SLC41A2: variants seen among roughly 807,000 people sequenced by gnomAD.
The protein encoded by SLC41A2 is solute carrier family 41 member 2.
In SLC41A2, 32 loss-of-function variants were observed where a neutral mutation model predicts 58.3. That is an observed-to-expected ratio of 0.55 (90% confidence interval 0.41 to 0.74). The LOEUF (loss-of-function observed/expected upper bound fraction) is 0.74, where lower values mean the gene tolerates loss of function less well. Among genes scored for constraint, SLC41A2 ranks in the 30% least tolerant of loss-of-function variants. SLC41A2 has a pLI of 0.00. For missense variants in SLC41A2, 514 were observed against 680.6 expected (o/e 0.76, Z 2.72); for synonymous variants, 190 against 235.0 (o/e 0.81, Z 1.75).
At chr12:104,956,971 A>C (rs1245665535) in intron 1 of SLC41A2, among the ~76,000 whole-genome samples, 3 of 152,220 alleles carry the variant, frequency 2.0e-5, no homozygotes. Context: ...GGGAAAGTAA[A>C]ATGGTACAGC....
At chr12:104,823,045 A>G (rs2041701164) in intron 10 of SLC41A2, among the ~76,000 whole-genome samples, 1 of 152,192 alleles carries the variant, frequency 6.6e-6, no homozygotes, top group African/African-American at 2.4e-5. Flanking sequence ...TGCCTAATTA[A>G]TTAACATATT....
At chr12:104,903,390 C>G (rs1037384345) in intron 3 of SLC41A2, among the ~76,000 whole-genome samples, 2 of 152,206 alleles carry the variant, frequency 1.3e-5, no homozygotes, top group Non-Finnish European at 2.9e-5. Context: ...AATTGTCCCC[C>G]CTCACTCACT....
At chr12:104,832,467 C>T (rs2042071100) in intron 10 of SLC41A2, among the ~76,000 whole-genome samples, 2 of 152,074 alleles carry the variant, frequency 1.3e-5, no homozygotes, top group South Asian at 2.1e-4. Context: ...AATATCAACC[C>T]CATCAACAGG....
At chr12:104,832,773 C>T (rs2042084030) in intron 10 of SLC41A2, among the ~76,000 whole-genome samples, 1 of 152,084 alleles carries the variant, frequency 6.6e-6, no homozygotes. Context: ...GTCAAGCTAC[C>T]TAGAGAAACA....
In SLC41A2 at chr12:104,928,158, A is replaced by C. The variant is rs764853243; in HGVS notation, c.370T>G (p.Ser124Ala). The change falls in exon 2 of 11, where the codon TCA becomes GCA. Residue 124 changes from serine (S) to alanine (A), a missense_variant. Transcript: ENST00000258538. ...TCTTGTAACATGGCAGTGGTTTCTG[A>C]AGTCTCCCTTCCATCACAGTAATTA... is the stretch of plus-strand genomic sequence containing the variant. ...NYNYCDGRET[S>A]ETTAMLQDED... is the part of the protein sequence containing the mutation. 17 of 1,614,024 alleles carry C rather than the reference A, an allele frequency of 1.1e-5. No homozygotes were observed. Among genetic ancestry groups the C allele is most frequent in the Non-Finnish European group, 8.5e-7 (1 of 1,180,022 alleles).
chr12:104,809,813 G>C (rs2041092985), intron 10 of SLC41A2, among the ~76,000 whole-genome samples: 1 of 152,122 alleles, frequency 6.6e-6, no homozygotes, highest in African/African-American at 2.4e-5. Flanking sequence ...ATGATGTCAA[G>C]TTCTATCACT....
chr12:104,889,300 T>C (rs1207934254), intron 4 of SLC41A2, 123 bp from the exon 5 acceptor site: 1 of 1,011,534 alleles, frequency 9.9e-7, no homozygotes, highest in Non-Finnish European at 1.4e-6. Context: ...TTGAGCTACA[T>C]TACCTTTTAG....
At chr12:104,817,112 A>T (rs2041441263) in intron 10 of SLC41A2, among the ~76,000 whole-genome samples, 1 of 152,204 alleles carries the variant, frequency 6.6e-6, no homozygotes, top group Non-Finnish European at 1.5e-5. Context: ...TAGTCTACAA[A>T]CTATATAGCA....
chr12:104,888,895 A>C (rs2044804662), intron 5 of SLC41A2, 138 bp downstream of exon 5: 1 of 877,092 alleles, frequency 1.1e-6, no homozygotes, highest in Admixed American at 3.0e-5. Flanking sequence ...TGGAATAACT[A>C]AGGCATTTTT....
At chr12:104,881,252 T>A (rs919062114) in intron 6 of SLC41A2, among the ~76,000 whole-genome samples, 1 of 152,150 alleles carries the variant, frequency 6.6e-6, no homozygotes, top group Non-Finnish European at 1.5e-5. Context: ...TTTGTTGATC[T>A]TTTCAAAAAA....
At chr12:104,898,719 T>A (rs2045417461) in intron 3 of SLC41A2, among the ~76,000 whole-genome samples, 1 of 152,114 alleles carries the variant, frequency 6.6e-6, no homozygotes, top group Non-Finnish European at 1.5e-5. Context: ...TAAAAACAGA[T>A]ATTTGCAAAA....
chr12:104,825,364 A>C (rs1279203944), intron 10 of SLC41A2, among the ~76,000 whole-genome samples: 1 of 152,206 alleles, frequency 6.6e-6, no homozygotes, highest in African/African-American at 2.4e-5. Flanking sequence ...CGGGGTCAAC[A>C]GATAGGGCGC....
chr12:104,956,493 A>G (rs1254645884), intron 1 of SLC41A2, among the ~76,000 whole-genome samples: 1 of 152,220 alleles, frequency 6.6e-6, no homozygotes, highest in East Asian at 1.9e-4. Flanking sequence ...AACCTGGCCA[A>G]CATGGTGAAA....
At chr12:104,900,537 G>A (rs1448786667) in intron 3 of SLC41A2, among the ~76,000 whole-genome samples, 1 of 152,190 alleles carries the variant, frequency 6.6e-6, no homozygotes, top group Non-Finnish European at 1.5e-5. Context: ...TAAAGCTGCA[G>A]AAATGGGGAG....
intron 8 of SLC41A2, among the ~76,000 whole-genome samples, chr12:104,848,148 T>C (rs1468094424): frequency 1.3e-5 from 2 of 152,210 alleles, no homozygotes; most frequent in African/African-American, 4.8e-5. Flanking sequence ...GTATGCTCTC[T>C]TTCCATAACA....
Position 104,924,889 on chromosome 12 carries a change from T to C in SLC41A2, c.555+3084A>G, listed in dbSNP as rs145274729. Among the ~76,000 whole-genome samples the C allele has an allele frequency of 1.6e-3, 239 of 152,220 alleles. 3 individuals carry two copies. The East Asian group carries it at 0.035, about 22-fold the overall frequency. On this transcript the variant is annotated intron_variant, in intron 2 of 10. Transcript: ENST00000258538. ...CAGTTTCATGAAATTTATATAATGT[T>C]GAGGGAAAAAAAGCCACACACACAC...
intron 3 of SLC41A2, among the ~76,000 whole-genome samples, chr12:104,908,859 C>T (rs1235482720): frequency 6.6e-6 from 1 of 152,096 alleles, no homozygotes; most frequent in African/African-American, 2.4e-5. Context: ...ATAGTAATTA[C>T]AATCCTAGAA....
At chr12:104,830,644 C>T (rs1184593686) in intron 10 of SLC41A2, among the ~76,000 whole-genome samples, 4 of 151,954 alleles carry the variant, frequency 2.6e-5, no homozygotes, top group East Asian at 1.9e-4. Context: ...AGAGGACCAC[C>T]GAAAGGATTA....
At chr12:104,827,173 T>C (rs1231690032) in intron 10 of SLC41A2, among the ~76,000 whole-genome samples, 1 of 152,204 alleles carries the variant, frequency 6.6e-6, no homozygotes, top group Non-Finnish European at 1.5e-5. Flanking sequence ...ACCTCTCTTA[T>C]CTCTTGATTC....
Sources: allele counts gnomAD v4.1 joint callset (sites outside exome capture counted in the v4.1 genomes callset), GRCh38; gene constraint gnomAD v4.1.1; transcripts MANE v1.5; gene names NCBI Gene and HGNC (gene_info 2026-07-23, HGNC 2026-07-21).